The following LRP5 variants were observed in gnomAD, a reference collection of about 807,000 sequenced individuals.
LRP5 encodes the protein low-density lipoprotein receptor-related protein 5.
A neutral mutation model predicts 154.1 loss-of-function variants in LRP5; 62 were observed. The ratio of observed to expected loss-of-function variants is 0.40; its 90% CI spans 0.33 to 0.50. LRP5 has a LOEUF of 0.50. Among genes scored for constraint, LRP5 ranks in the 20% least tolerant of loss-of-function variants. The probability of loss-of-function intolerance (pLI) is 0.55; values close to 1 mark genes in which losing one functional copy is unlikely to be tolerated. For missense variants in LRP5, 1,915 were observed against 2,336.7 expected, an observed-to-expected ratio of 0.82 and a Z score of 3.72; for synonymous variants, 966 against 1,011.5, an observed-to-expected ratio of 0.96 and a Z score of 0.85.
chr11:68,431,396 C>T (rs530032112), intron 17 of LRP5, among the ~76,000 whole-genome samples: 18 of 152,072 alleles, frequency 1.2e-4, no homozygotes, highest in African/African-American at 3.6e-4. Flanking sequence ...CCCACCACCA[C>T]GCCCGGCTAA....
chr11:68,424,841 C>T (rs1036232247), intron 14 of LRP5, among the ~76,000 whole-genome samples: 5 of 152,244 alleles, frequency 3.3e-5, no homozygotes, highest in African/African-American at 9.6e-5. Flanking sequence ...GATTTAGGGC[C>T]TACCCTCACC....
At chr11:68,321,626 G>A (rs1414488194) in intron 1 of LRP5, among the ~76,000 whole-genome samples, 1 of 152,116 alleles carries the variant, frequency 6.6e-6, no homozygotes, top group Non-Finnish European at 1.5e-5. Context: ...ACTTGCCCGA[G>A]CCACTCCTGC....
rs563104615 is a variant in LRP5, at chr11:68,413,106, T to C, written c.2504-583T>C. On this transcript the variant is annotated intron_variant, in intron 11 of 22. Coordinates refer to ENST00000294304, the MANE Select transcript of LRP5 (RefSeq NM_002335.4). This position sits in a 1 kb window ranked among gnomAD's most constrained non-coding sequence, Gnocchi z 5.1. ...TCTGCAGCACATCCCGTGACCCAGC[T>C]CATCCAGGCCGCATGCAAACCTGTT... 2.5e-5 allele frequency: 5 copies of C among 196,552 alleles called. No individual in the cohort carries two copies. Among genetic ancestry groups the C allele is most frequent in the African/African-American group, 7.0e-5 (3 of 43,014 alleles). 12.2% of individuals were successfully genotyped at this position (196,552 alleles called of 1,614,324 possible).
In LRP5 at chr11:68,422,328, C is replaced by G. The variant is rs183081995; in HGVS notation, c.3028-1161C>G. Among the ~76,000 whole-genome samples the G allele has an allele frequency of 9.8e-4, 149 of 151,846 alleles. 1 individual carries two copies. The highest frequency in any genetic ancestry group is 3.4e-3 in the African/African-American group (141 of 41,146). ...CAGAGCACCATCCTAAGATGATTCC[C>G]TCTGACTCAATGGAGAGGGAGGGGA... is the stretch of plus-strand genomic sequence containing the variant. On this transcript the variant is annotated intron_variant, in intron 13 of 22. Coordinates refer to ENST00000294304, the MANE Select transcript of LRP5 (RefSeq NM_002335.4).
At chr11:68,368,620 G>A (rs1260357961) in intron 5 of LRP5, among the ~76,000 whole-genome samples, 3 of 152,132 alleles carry the variant, frequency 2.0e-5, no homozygotes, top group African/African-American at 7.2e-5. Flanking sequence ...CTGAAGGGAG[G>A]TCTGGAGGTG....
At chr11:68,443,579 ATATATATTT>A (rs1299480822) in intron 21 of LRP5, among the ~76,000 whole-genome samples, 14 of 39,934 alleles carry the variant, frequency 3.5e-4, no homozygotes, top group East Asian at 7.4e-4. Context: ...ATATATATAT[ATATATATTT>A]TTTTTTTTTT....
At chr11:68,382,697 G>T (rs768530228) in intron 5 of LRP5, among the ~76,000 whole-genome samples, 2 of 152,128 alleles carry the variant, frequency 1.3e-5, no homozygotes, top group Non-Finnish European at 2.9e-5. Flanking sequence ...CTTCCTGCAT[G>T]TGCTGGCTCC....
the LRP5 span, among the ~76,000 whole-genome samples, chr11:68,304,327 GGT>G: frequency 6.6e-6 from 1 of 152,224 alleles, no homozygotes; most frequent in Non-Finnish European, 1.5e-5. Context: ...GCTTCCATGT[GGT>G]GTTAAGCCTG....
chr11:68,405,826 T>G (rs1264319193), intron 8 of LRP5, among the ~76,000 whole-genome samples: 3 of 152,092 alleles, frequency 2.0e-5, no homozygotes, highest in Non-Finnish European at 4.4e-5. Flanking sequence ...CCAATGTGAG[T>G]TTTCAGGGTT....
intron 1 of LRP5, among the ~76,000 whole-genome samples, chr11:68,315,046 C>T (rs2098592163): frequency 6.6e-6 from 1 of 152,186 alleles, no homozygotes; most frequent in Non-Finnish European, 1.5e-5. Context: ...CAGGTGAGGC[C>T]TCTGAGTTGC....
chr11:68,373,519 C>G lies in LRP5; in HGVS notation c.1015+7817C>G, dbSNP rs548086745. On this transcript the variant is annotated intron_variant, in intron 5 of 22. Transcript: ENST00000294304. ...CCCTCCTGAAGTGACCCCCATGAGA[C>G]AGGGCAGGTATATCCCACGAGCCTC... is the stretch of plus-strand genomic sequence containing the variant. Among the ~76,000 whole-genome samples the G allele has an allele frequency of 7.9e-5, 12 of 152,256 alleles. No individual in the cohort carries two copies. The South Asian group carries it at 2.5e-3, about 32-fold the overall frequency.
chr11:68,409,051 G>GGAAA (rs1395621273), intron 9 of LRP5, among the ~76,000 whole-genome samples: 1 of 51,426 alleles, frequency 1.9e-5, no homozygotes, highest in Non-Finnish European at 3.3e-5. Context: ...CTTATCTGGG[G>GGAAA]AAAAAAAAAA....
intron 1 of LRP5, among the ~76,000 whole-genome samples, chr11:68,336,936 A>T (rs1295520548): frequency 6.6e-6 from 1 of 152,212 alleles, no homozygotes; most frequent in Non-Finnish European, 1.5e-5. Context: ...GACTTTCTTG[A>T]CCACAAACAA....
At chr11:68,334,887 TAA>T (rs2098604809) in intron 1 of LRP5, among the ~76,000 whole-genome samples, 1 of 151,888 alleles carries the variant, frequency 6.6e-6, no homozygotes, top group Admixed American at 6.6e-5. Context: ...TAAAATAAAA[TAA>T]AAGTGTGAGT....
chr11:68,449,214 C>CA lies in LRP5; in HGVS notation c.*145dup. The CA allele has an allele frequency of 2.3e-6, 1 of 443,136 alleles. No homozygotes were observed. Among genetic ancestry groups the CA allele is most frequent in the South Asian group, 3.4e-5 (1 of 29,106 alleles). 27.5% of individuals were successfully genotyped at this position (443,136 alleles called of 1,614,324 possible). On this transcript the variant is annotated 3_prime_UTR_variant, in exon 23 of 23. Coordinates refer to ENST00000294304, the MANE Select transcript of LRP5 (RefSeq NM_002335.4). ...GAAATGTGAACTGTGATGGGGTGGG[C>CA]AGGGCTGGGAGAACTTTGTACAGTG... is the stretch of plus-strand genomic sequence containing the variant.
At chr11:68,333,583 C>T (rs1328544258) in intron 1 of LRP5, among the ~76,000 whole-genome samples, 1 of 152,194 alleles carries the variant, frequency 6.6e-6, no homozygotes, top group Non-Finnish European at 1.5e-5. Flanking sequence ...CAGCCTTAAA[C>T]ATTGTCCCTG....
At chr11:68,395,194 G>A (rs1205888603) in intron 7 of LRP5, among the ~76,000 whole-genome samples, 1 of 151,918 alleles carries the variant, frequency 6.6e-6, no homozygotes, top group African/African-American at 2.4e-5. Flanking sequence ...CCAGCTGCTT[G>A]GGAGGCTGAG....
intron 20 of LRP5, among the ~76,000 whole-genome samples, 178 bp downstream of exon 20, chr11:68,438,860 A>G (rs2098676555): frequency 6.6e-6 from 1 of 152,224 alleles, no homozygotes; most frequent in Non-Finnish European, 1.5e-5. Context: ...AGAATCCTTC[A>G]ACACAGAGGC....
intron 5 of LRP5, 108 bp downstream of exon 5, chr11:68,365,810 A>T: frequency 8.7e-7 from 1 of 1,146,126 alleles, no homozygotes; most frequent in Non-Finnish European, 1.2e-6. Flanking sequence ...CCCGTTCGAA[A>T]TGATCCACTT....
Sources: gnomAD v4.1 joint callset for allele counts (sites outside exome capture counted in the v4.1 genomes callset) on GRCh38, gnomAD v4.1.1 for gene constraint, Gnocchi (gnomAD v3.1) non-coding constraint, MANE v1.5 for transcripts, NCBI Gene and HGNC (gene_info 2026-07-23, HGNC 2026-07-21) for gene names.